The following KHDRBS2 variants were observed in gnomAD, a reference collection of about 807,000 sequenced individuals.
KHDRBS2 encodes the protein KH RNA binding domain containing, signal transduction associated 2, also known as KH domain-containing, RNA-binding, signal transduction-associated protein 2.
In KHDRBS2, 26 loss-of-function variants were observed where a neutral mutation model predicts 44.3. The ratio of observed to expected loss-of-function variants is 0.59; its 90% CI spans 0.43 to 0.81. The LOEUF (loss-of-function observed/expected upper bound fraction) is 0.81. KHDRBS2 is among the 40% of genes least tolerant of loss of function. The pLI, the probability that KHDRBS2 is intolerant of heterozygous loss-of-function variation, is 0.00. For synonymous variants in KHDRBS2, 194 were observed against 151.1 expected, an observed-to-expected ratio of 1.28 and a Z score of -2.08; for missense variants, 476 against 433.1, an observed-to-expected ratio of 1.10 and a Z score of -0.88.
intron 1 of KHDRBS2, among the ~76,000 whole-genome samples, chr6:62,212,330 AGAGT>A (rs1215570270): frequency 3.3e-5 from 5 of 152,050 alleles, no homozygotes; most frequent in Non-Finnish European, 7.4e-5. Context: ...AGGGAGAGAG[AGAGT>A]GAGAGAGAGA....
At chr6:61,638,620 C>G in the KHDRBS2 span, among the ~76,000 whole-genome samples, 3,718 of 152,180 alleles carry the variant, frequency 0.024, 69 homozygotes, top group Middle Eastern at 0.088. Context: ...GTCTAAAACA[C>G]CAAAAGTTCA....
intron 4 of KHDRBS2, among the ~76,000 whole-genome samples, chr6:61,952,832 A>G (rs1344761916): frequency 6.6e-6 from 1 of 152,092 alleles, no homozygotes; most frequent in Non-Finnish European, 1.5e-5. Context: ...ACAGTTTAGT[A>G]TTCCTACTAA....
chr6:62,079,900 A>C (rs1256754962), intron 2 of KHDRBS2, among the ~76,000 whole-genome samples: 1 of 152,060 alleles, frequency 6.6e-6, no homozygotes, highest in African/African-American at 2.4e-5. Flanking sequence ...AACAGTTTAA[A>C]AATTAATGCC....
At chr6:62,147,605 A>G (rs930061416) in intron 2 of KHDRBS2, among the ~76,000 whole-genome samples, 4 of 151,950 alleles carry the variant, frequency 2.6e-5, no homozygotes, top group Non-Finnish European at 4.4e-5. Flanking sequence ...TGATATAACA[A>G]AGAATTAAAG....
chr6:62,216,062 G>A (rs574727724), intron 1 of KHDRBS2, among the ~76,000 whole-genome samples: 2 of 151,690 alleles, frequency 1.3e-5, no homozygotes, highest in African/African-American at 4.8e-5. Context: ...AGATGTTCAT[G>A]CATGTTGGAT....
intron 3 of KHDRBS2, among the ~76,000 whole-genome samples, chr6:62,011,921 A>G (rs1043091928): frequency 2.0e-5 from 3 of 152,234 alleles, no homozygotes; most frequent in Non-Finnish European, 2.9e-5. Context: ...AGAGTAGCAC[A>G]GATTTTAAGT....
chr6:62,214,908 C>T (rs976108208), intron 1 of KHDRBS2, among the ~76,000 whole-genome samples: 1 of 151,938 alleles, frequency 6.6e-6, no homozygotes, highest in African/African-American at 2.4e-5. Flanking sequence ...TCCAACTGTA[C>T]GTTCTTCTTC....
chr6:62,115,554 T>A (rs1806018083), intron 2 of KHDRBS2, among the ~76,000 whole-genome samples: 1 of 152,172 alleles, frequency 6.6e-6, no homozygotes, highest in South Asian at 2.1e-4. Context: ...CATAAAAATA[T>A]AACAATGGCA....
In KHDRBS2 at chr6:61,818,266, T is replaced by TA. The variant is rs60399147; in HGVS notation, c.810+76368dup. Among the ~76,000 whole-genome samples, 1,042 of 114,458 alleles carry TA rather than the reference T, an allele frequency of 9.1e-3. 17 individuals carry two copies. The highest frequency in any genetic ancestry group is 0.029 in the Middle Eastern group (6 of 208). The allele number at this position is 114,458 out of a possible 152,430, so 75.1% of individuals were successfully genotyped here. A position where few individuals can be genotyped will look rare whatever the true frequency, so the allele number is the denominator to read the frequency against. Reference sequence around the variant, plus strand: ...ATTGGGCAGAGAAAACCTCTGTAAGTAAAAAAAAAAAAAAAAAGGATAGTA... The same window carrying TA: ...ATTGGGCAGAGAAAACCTCTGTAAGTAAAAAAAAAAAAAAAAAAGGATAGTA... On this transcript the variant is annotated intron_variant, in intron 6 of 8. Coordinates refer to ENST00000281156, the MANE Select transcript of KHDRBS2 (RefSeq NM_152688.4).
At chr6:61,557,116 C>T in the KHDRBS2 span, among the ~76,000 whole-genome samples, 185 of 152,108 alleles carry the variant, frequency 1.2e-3, no homozygotes, top group African/African-American at 4.4e-3. Flanking sequence ...AGTCTTGGGA[C>T]CCCAGAGATC....
chr6:61,554,795 T>C, the KHDRBS2 span, among the ~76,000 whole-genome samples: 2 of 152,182 alleles, frequency 1.3e-5, no homozygotes, highest in African/African-American at 4.8e-5. Flanking sequence ...ACAAAATTCT[T>C]GGTCAGAAAT....
intron 1 of KHDRBS2, among the ~76,000 whole-genome samples, chr6:62,254,244 G>A (rs1837010794): frequency 6.6e-6 from 1 of 151,988 alleles, no homozygotes; most frequent in Admixed American, 6.6e-5. Flanking sequence ...ACTTTACTAT[G>A]CTCAAGATAA....
chr6:61,621,134 C>T, the KHDRBS2 span, among the ~76,000 whole-genome samples: 2,439 of 152,200 alleles, frequency 0.016, 67 homozygotes, highest in African/African-American at 0.057. Flanking sequence ...TGAAGGACAC[C>T]GGCCTGAGTA....
At chr6:62,009,552 G>A (rs1779894546) in intron 3 of KHDRBS2, among the ~76,000 whole-genome samples, 2 of 152,200 alleles carry the variant, frequency 1.3e-5, no homozygotes, top group South Asian at 2.1e-4. Context: ...TCCAGGGCAT[G>A]TCTGAGATCT....
intron 2 of KHDRBS2, among the ~76,000 whole-genome samples, chr6:62,083,524 A>T (rs1797818129): frequency 6.6e-6 from 1 of 152,140 alleles, no homozygotes; most frequent in African/African-American, 2.4e-5. Context: ...GGACAGCAAA[A>T]CTAAAGGAGC....
At chr6:62,253,450 G>A (rs191609137) in intron 1 of KHDRBS2, among the ~76,000 whole-genome samples, 21 of 151,820 alleles carry the variant, frequency 1.4e-4, no homozygotes, top group Admixed American at 1.3e-3. Context: ...AATTCATTAG[G>A]GCAATCTCTC....
chr6:61,720,152 C>A (rs1474613736), intron 7 of KHDRBS2, among the ~76,000 whole-genome samples: 5 of 152,090 alleles, frequency 3.3e-5, no homozygotes, highest in Non-Finnish European at 5.9e-5. Flanking sequence ...GTATATGTGC[C>A]ACGTTTTCTT....
At chr6:62,116,543 G>C (rs1223653844) in intron 2 of KHDRBS2, among the ~76,000 whole-genome samples, 3 of 152,108 alleles carry the variant, frequency 2.0e-5, no homozygotes, top group African/African-American at 7.2e-5. Flanking sequence ...TGTATATAAT[G>C]TGTAATGATC....
chr6:62,121,512 C>T (rs1439517250), intron 2 of KHDRBS2, among the ~76,000 whole-genome samples: 1 of 152,184 alleles, frequency 6.6e-6, no homozygotes, highest in Non-Finnish European at 1.5e-5. Flanking sequence ...AGCAAATTAA[C>T]ACATCTCCTG....
Sources: allele counts gnomAD v4.1 joint callset (sites outside exome capture counted in the v4.1 genomes callset), GRCh38; gene constraint gnomAD v4.1.1; transcripts MANE v1.5; gene names NCBI Gene and HGNC (gene_info 2026-07-23, HGNC 2026-07-21).